The following APC variants were observed in gnomAD, a reference collection of about 807,000 sequenced individuals.
APC encodes adenomatous polyposis coli protein.
In APC, 72 loss-of-function variants were observed where a neutral mutation model predicts 247.0. The ratio of observed to expected loss-of-function variants is 0.29; its 90% CI spans 0.24 to 0.35. The LOEUF (loss-of-function observed/expected upper bound fraction) is 0.35, where lower values mean the gene tolerates loss of function less well. Among genes scored for constraint, APC ranks in the 10% least tolerant of loss-of-function variants. APC has a pLI of 1.00. For synonymous variants in APC, 1,254 were observed against 1,162.5 expected (o/e 1.08, Z -1.60); for missense variants, 3,400 against 3,360.7 (o/e 1.01, Z -0.29).
intron 1 of APC, among the ~76,000 whole-genome samples, chr5:112,738,878 A>C (rs527708922): frequency 6.6e-6 from 1 of 152,250 alleles, no homozygotes; most frequent in Non-Finnish European, 1.5e-5. Context: ...TCTTTGATTT[A>C]ACATAAATCC....
At chr5:112,818,550 A>C (rs1276892808) in intron 9 of APC, among the ~76,000 whole-genome samples, 5 of 152,228 alleles carry the variant, frequency 3.3e-5, no homozygotes, top group African/African-American at 4.8e-5. Flanking sequence ...TATAGATTAA[A>C]AGAAATAAGA....
In APC at chr5:112,842,894, A is replaced by C. The variant is rs1363061583; in HGVS notation, c.7300A>C (p.Arg2434=). The stretch of plus-strand genomic sequence containing the variant: ...TGGAAGTGAATCTGATAGATCAGAA[A>C]GACCTGTATTAGTACGCCAGTCAAC... ...SSGSESDRSE[R]PVLVRQSTFI... The change falls in exon 16 of 16, where the codon AGA becomes CGA. Residue 2434 remains arginine, a synonymous_variant. Coordinates refer to ENST00000257430, the MANE Select transcript of APC (RefSeq NM_000038.6). 1.2e-6 allele frequency: 2 copies of C among 1,613,982 alleles called. No individual in the cohort carries two copies. Among genetic ancestry groups the C allele is most frequent in the African/African-American group, 2.7e-5 (2 of 74,932 alleles).
At chr5:112,835,871 C>T (rs914231470) in intron 15 of APC, among the ~76,000 whole-genome samples, 14 of 151,882 alleles carry the variant, frequency 9.2e-5, no homozygotes, top group Non-Finnish European at 4.4e-5. Context: ...CCGCGCCCGG[C>T]CAATAATCAT....
intron 1 of APC, among the ~76,000 whole-genome samples, chr5:112,725,801 A>G (rs539240224): frequency 3.9e-5 from 6 of 152,272 alleles, no homozygotes; most frequent in East Asian, 1.9e-4. Flanking sequence ...TTCCTTTACT[A>G]TGGAATTCCC....
At position 112,741,652 on chromosome 5, in the gene APC, T is replaced by C. The variant is rs138213376; in HGVS notation, c.-19+3727T>C. On this transcript the variant is annotated intron_variant, in intron 1 of 15. Transcript: ENST00000257430. ...ATAAAATTTACCATCTTAAGCACTT[T>C]TAATTGTACAGTTCTGTGGCATTAA... 1.2e-3 allele frequency among the ~76,000 whole-genome samples: 187 copies of C among 152,368 alleles called. 3 individuals are homozygous for C. In the East Asian group the frequency reaches 0.028, roughly 23 times the overall value.
At chr5:112,815,964 A>G (rs1762469484) in intron 9 of APC, among the ~76,000 whole-genome samples, 2 of 152,334 alleles carry the variant, frequency 1.3e-5, no homozygotes, top group South Asian at 4.1e-4. Flanking sequence ...AACGAAGCAT[A>G]AACAAGGGAA....
At chr5:112,775,080 C>T (rs1404198788) in intron 4 of APC, among the ~76,000 whole-genome samples, 10 of 152,218 alleles carry the variant, frequency 6.6e-5, no homozygotes, top group African/African-American at 2.4e-4. Context: ...CTATGGAGAA[C>T]ACCATCATTT....
intron 1 of APC, among the ~76,000 whole-genome samples, chr5:112,745,131 G>C (rs77054573): frequency 1.7e-4 from 6 of 34,558 alleles, no homozygotes; most frequent in African/African-American, 4.9e-4. Context: ...TAATATGCTG[G>C]TCAGTTATAG....
intron 11 of APC, among the ~76,000 whole-genome samples, chr5:112,825,203 A>G (rs1025182527): frequency 2.0e-5 from 3 of 152,162 alleles, no homozygotes; most frequent in African/African-American, 7.2e-5. Context: ...TAATTCTGCT[A>G]CTTAAAAGTA....
intron 13 of APC, among the ~76,000 whole-genome samples, chr5:112,828,548 G>A (rs1763962061): frequency 6.6e-6 from 1 of 151,640 alleles, no homozygotes; most frequent in Admixed American, 6.6e-5. Context: ...AAGCTCCTGG[G>A]ATCCTCCTGC....
chr5:112,837,898 C>T lies in APC; in HGVS notation c.2304C>T (p.His768=). Residue 768 remains histidine, a synonymous_variant, in exon 16 of 16, where the codon CAC becomes CAT. Transcript: ENST00000257430. ...TAGAAGCAGAATTAGATGCTCAGCACTTATCAGAAACTTTTGACAATATAG... is the reference window on the plus strand; with the variant it reads ...TAGAAGCAGAATTAGATGCTCAGCATTTATCAGAAACTTTTGACAATATAG... ...KALEAELDAQ[H]LSETFDNIDN... The T allele has an allele frequency of 6.2e-7, 1 of 1,614,106 alleles. No individual in the cohort carries two copies. Among genetic ancestry groups the T allele is most frequent in the Non-Finnish European group, 8.5e-7 (1 of 1,180,024 alleles).
At position 112,778,236 on chromosome 5, in the gene APC, C is replaced by T. The variant is rs113676044; in HGVS notation, c.531+2499C>T. 761 of 165,640 alleles carry T rather than the reference C, an allele frequency of 4.6e-3. 8 individuals carry two copies. Among genetic ancestry groups the T allele is most frequent in the African/African-American group, 0.017 (727 of 41,886 alleles). 10.3% of individuals were successfully genotyped at this position (165,640 alleles called of 1,614,324 possible). A position where few individuals can be genotyped will look rare whatever the true frequency, so the allele number is the denominator to read the frequency against. On this transcript the variant is annotated intron_variant, in intron 5 of 15. Coordinates refer to ENST00000257430, the MANE Select transcript of APC (RefSeq NM_000038.6). ...GCTGATATTCACCACCTCCAAGCTG[C>T]TCTGGGTTATAGGTCTGCAGTGTTC...
At chr5:112,818,669 C>A (rs1242337890) in intron 9 of APC, among the ~76,000 whole-genome samples, 1 of 152,054 alleles carries the variant, frequency 6.6e-6, no homozygotes, top group Admixed American at 6.6e-5. Flanking sequence ...CTTATCTAGG[C>A]AAACAGCACT....
chr5:112,738,537 C>A, intron 1 of APC: 2 of 969,970 alleles, frequency 2.1e-6, no homozygotes, highest in Non-Finnish European at 2.5e-6. Context: ...TGTAAAACAT[C>A]TAAGTAAACT....
At position 112,808,821 on chromosome 5, in the gene APC, T is replaced by G. The variant is rs116812004; in HGVS notation, c.835-6674T>G. ...CTGTATGTCCTATAAATTGGTAGAT[T>G]TCAGTATCTGAGAATATTCAAGAAG... On this transcript the variant is annotated intron_variant, in intron 8 of 15. Transcript: ENST00000257430. Among the ~76,000 whole-genome samples the G allele has an allele frequency of 1.7e-3, 261 of 152,292 alleles. 1 individual carries two copies. Among genetic ancestry groups the G allele is most frequent in the African/African-American group, 6.1e-3 (254 of 41,564 alleles).
chr5:112,842,584 C>G lies in APC; in HGVS notation c.6990C>G (p.Ser2330=), dbSNP rs2149977737. The G allele has an allele frequency of 1.2e-6, 2 of 1,613,652 alleles. No homozygotes were observed. Among genetic ancestry groups the G allele is most frequent in the Non-Finnish European group, 1.7e-6 (2 of 1,179,570 alleles). The change falls in exon 16 of 16, where the codon TCC becomes TCG. Residue 2330 remains serine, a synonymous_variant. Transcript: ENST00000257430. ...PIQSPGRNSI[S]PGRNGISPPN... ...AGTCTCCTGGCCGAAACTCAATTTC[C>G]CCTGGTAGAAATGGAATAAGTCCTC...
intron 2 of APC, among the ~76,000 whole-genome samples, chr5:112,761,443 A>G (rs899752450): frequency 1.3e-5 from 2 of 152,220 alleles, no homozygotes; most frequent in Non-Finnish European, 1.5e-5. Context: ...CTATAATTAA[A>G]AGGAATCAAA....
chr5:112,825,398 G>A lies in APC; in HGVS notation c.1409-1710G>A, dbSNP rs565350309. Among the ~76,000 whole-genome samples, 45 of 152,216 alleles carry A rather than the reference G, an allele frequency of 3.0e-4. No individual in the cohort carries two copies. In the South Asian group the frequency reaches 9.1e-3, roughly 31 times the overall value. ...TTTTCTGCGTAAAATCTTTAATGTG[G>A]CACATAAAGTCTTATGTGATCCGGC... On this transcript the variant is annotated intron_variant, in intron 11 of 15. Coordinates refer to ENST00000257430, the MANE Select transcript of APC (RefSeq NM_000038.6).
intron 4 of APC, among the ~76,000 whole-genome samples, chr5:112,770,001 C>T (rs1191826885): frequency 1.3e-5 from 2 of 151,984 alleles, no homozygotes; most frequent in Non-Finnish European, 2.9e-5. Context: ...CCTTTGAGCT[C>T]TATTAAGAGG....
Sources: gnomAD v4.1 joint callset for allele counts (sites outside exome capture counted in the v4.1 genomes callset) on GRCh38, gnomAD v4.1.1 for gene constraint, MANE v1.5 for transcripts, NCBI Gene and HGNC (gene_info 2026-07-23, HGNC 2026-07-21) for gene names.